LONP1: variants seen among roughly 807,000 people sequenced by gnomAD.
LONP1 encodes the protein lon protease homolog, mitochondrial.
Under a neutral mutation model 98.5 loss-of-function variants are expected in LONP1, and 31 were observed. That is an observed-to-expected ratio of 0.31 (90% CI 0.24 to 0.42). The LOEUF (loss-of-function observed/expected upper bound fraction) is 0.42, where lower values mean the gene tolerates loss of function less well. Among genes scored for constraint, LONP1 ranks in the 20% least tolerant of loss-of-function variants. LONP1 has a pLI of 1.00. For missense variants in LONP1, 1,336 were observed against 1,350.6 expected, an observed-to-expected ratio of 0.99 and a Z score of 0.17; for synonymous variants, 781 against 594.7, an observed-to-expected ratio of 1.31 and a Z score of -4.56.
In LONP1 at chr19:5,696,158, A is replaced by C. The variant is rs1483311244; in HGVS notation, c.1909T>G (p.Cys637Gly). The change falls in exon 13 of 18, where the codon TGC becomes GGC. Residue 637 changes from cysteine (C) to glycine (G), a missense_variant. Coordinates refer to ENST00000360614, the MANE Select transcript of LONP1 (RefSeq NM_004793.4). Reference protein sequence around the residue: ...PVDLSKVLFICTANVTDTIPE... With the variant: ...PVDLSKVLFIGTANVTDTIPE... ...ATGGTGTCCGTGACGTTGGCCGTGC[A>C]GATGAACAGCACCTGGGGGCGGCGG... 6 of 1,612,950 alleles carry C rather than the reference A, an allele frequency of 3.7e-6. No homozygotes were observed. Among genetic ancestry groups the C allele is most frequent in the Middle Eastern group, 1.6e-4 (1 of 6,062 alleles).
intron 17 of LONP1, among the ~76,000 whole-genome samples, chr19:5,692,729 G>T (rs897678245): frequency 4.6e-5 from 7 of 152,154 alleles, no homozygotes; most frequent in Non-Finnish European, 1.0e-4. Context: ...CTCCCAATTT[G>T]CCTCCACCAT....
chr19:5,707,565 G>A, intron 6 of LONP1, 132 bp downstream of exon 6: 1 of 913,138 alleles, frequency 1.1e-6, no homozygotes, highest in African/African-American at 1.7e-5. Context: ...TGTGGATGGT[G>A]CACGGTGGAG....
At position 5,705,977 on chromosome 19, in the gene LONP1, T is replaced by G; in HGVS notation, c.1162A>C (p.Lys388Gln). ...AGCAGGTACTTACGGTGGGTCTGCT[T>G]GATCTTCTCCTCCACCTGTGGGGTG... ...RLGREVEEKI[K>Q]QTHRKYLLQE... Residue 388 changes from lysine to glutamine, a missense_variant, in exon 8 of 18, where the codon AAG (lysine) becomes CAG (glutamine). Around this residue, in one of 5 missense-constraint regions of LONP1, gnomAD observed 219 missense variants for 241.0 expected, o/e 0.91. Coordinates refer to ENST00000360614, the MANE Select transcript of LONP1 (RefSeq NM_004793.4). 1 of 1,612,284 alleles carries G rather than the reference T, an allele frequency of 6.2e-7. No homozygotes were observed. Among genetic ancestry groups the G allele is most frequent in the Non-Finnish European group, 8.5e-7 (1 of 1,179,730 alleles).
chr19:5,709,684 C>T (rs535434357), intron 4 of LONP1, among the ~76,000 whole-genome samples: 4 of 151,662 alleles, frequency 2.6e-5, no homozygotes, highest in African/African-American at 2.4e-5. Flanking sequence ...CTAAGGCGGG[C>T]GGATCACGAG....
In LONP1 at chr19:5,696,279, G is replaced by T. The variant is rs573421014; in HGVS notation, c.1866C>A (p.His622Gln). The T allele has an allele frequency of 6.2e-7, 1 of 1,613,322 alleles. No individual in the cohort carries two copies. The highest frequency in any genetic ancestry group is 8.5e-7 in the Non-Finnish European group (1 of 1,179,904). Residue 622 changes from histidine (H) to glutamine (Q), a missense_variant, in exon 12 of 18, where the codon CAC becomes CAA. This residue lies in a region of LONP1 where 555 missense variants were observed against 542.6 expected (regional missense o/e 1.02). Coordinates refer to ENST00000360614, the MANE Select transcript of LONP1 (RefSeq NM_004793.4). ...ACAAGTCCACGGGCACGTCCAGGTA[G>T]TGGTCCAGGAAGTTGGCATTCTGCT... ...DPEQNANFLDHYLDVPVDLSK... is the reference protein window; with the variant it reads ...DPEQNANFLDQYLDVPVDLSK...
At chr19:5,715,654 AAAAAAAAAAAAAAAAAAAAAAAAAAG>A (rs2055306023) in intron 1 of LONP1, among the ~76,000 whole-genome samples, 1 of 108,554 alleles carries the variant, frequency 9.2e-6, no homozygotes, top group Non-Finnish European at 1.9e-5. Flanking sequence ...AAAAAAAAAA[AAAAAAAAAAAAAAAAAAAAAAAAAAG>A]AAAGTTTCAC....
At chr19:5,697,389 G>A (rs1431873812) in intron 10 of LONP1, among the ~76,000 whole-genome samples, 2 of 151,612 alleles carry the variant, frequency 1.3e-5, no homozygotes, top group African/African-American at 2.4e-5. Flanking sequence ...GCCACGTGAG[G>A]GTCTGAGAGA....
In LONP1 at chr19:5,719,921, G is replaced by A; in HGVS notation, c.212C>T (p.Ala71Val). The A allele has an allele frequency of 1.3e-6, 2 of 1,550,306 alleles. No homozygotes were observed. The highest frequency in any genetic ancestry group is 1.2e-5 in the South Asian group (1 of 84,592). The change falls in exon 1 of 18, where the codon GCG (alanine) becomes GTG (valine). Residue 71 changes from alanine to valine, a missense_variant. Ala to Val is a moderately conservative substitution (Grantham distance 64). This residue lies in a region of LONP1 where 457 missense variants were observed against 403.1 expected (regional missense o/e 1.13). Transcript: ENST00000360614. ...GAATGCGCCTCCGCCGCGGCTGCTC[G>A]CTTCCCAAAACCCCCGCCATTGGCC... ...IGGQWRGFWE[A>V]SSRGGGAFSG...
At chr19:5,716,300 A>ATATATATATATATATATATATATAT (rs1568329236) in intron 1 of LONP1, among the ~76,000 whole-genome samples, 3 of 118,652 alleles carry the variant, frequency 2.5e-5, no homozygotes, top group Non-Finnish European at 5.2e-5. Context: ...ATATATATAT[A>ATATATATATATATATATATATATAT]GTAATGGCCC....
intron 8 of LONP1, among the ~76,000 whole-genome samples, chr19:5,701,575 C>T (rs1359523540): frequency 2.0e-5 from 3 of 152,226 alleles, no homozygotes; most frequent in Admixed American, 6.5e-5. Context: ...GCGAGTGGTC[C>T]GCCGGCCTCG....
chr19:5,710,080 GAATT>G (rs2055213164), intron 4 of LONP1, among the ~76,000 whole-genome samples: 2 of 150,098 alleles, frequency 1.3e-5, no homozygotes, highest in South Asian at 4.3e-4. Flanking sequence ...GTGGCTGTCT[GAATT>G]TTTTTTTTTT....
chr19:5,711,067 G>C (rs2055229734), intron 4 of LONP1, among the ~76,000 whole-genome samples: 1 of 152,016 alleles, frequency 6.6e-6, no homozygotes, highest in Non-Finnish European at 1.5e-5. Context: ...GGGGTAGTGG[G>C]GCAGGATAGA....
chr19:5,701,502 C>T (rs1168658685), intron 8 of LONP1, among the ~76,000 whole-genome samples: 3 of 152,132 alleles, frequency 2.0e-5, no homozygotes, highest in Admixed American at 6.5e-5. Flanking sequence ...GACTGGTTTT[C>T]CTATTTTTTT....
intron 17 of LONP1, 111 bp downstream of exon 17, chr19:5,693,187 C>T: frequency 7.3e-7 from 1 of 1,368,888 alleles, no homozygotes; most frequent in Non-Finnish European, 9.9e-7. Flanking sequence ...CTTCCAAAGC[C>T]CAGGGCTTCC....
intron 10 of LONP1, among the ~76,000 whole-genome samples, 190 bp downstream of exon 10, chr19:5,698,837 T>C (rs2054990600): frequency 6.6e-6 from 1 of 152,228 alleles, no homozygotes; most frequent in African/African-American, 2.4e-5. Context: ...CCAGCGCTGT[T>C]TGAGCACCTG....
intron 8 of LONP1, among the ~76,000 whole-genome samples, chr19:5,701,251 C>G (rs1215495636): frequency 6.6e-6 from 1 of 152,214 alleles, no homozygotes; most frequent in Non-Finnish European, 1.5e-5. Context: ...CGAGACCATC[C>G]TGGCTAGCAC....
chr19:5,708,709 C>T lies in LONP1; in HGVS notation c.871-306G>A, dbSNP rs35335072. The T allele has an allele frequency of 0.23, 70,109 of 307,848 alleles. 9,279 individuals carry two copies. Among genetic ancestry groups the T allele is most frequent in the Non-Finnish European group, 0.27 (42,444 of 158,212 alleles). The allele number at this position is 307,848 out of a possible 1,614,324, so 19.1% of individuals were successfully genotyped here. On this transcript the variant is annotated intron_variant, in intron 4 of 17. Coordinates refer to ENST00000360614, the MANE Select transcript of LONP1 (RefSeq NM_004793.4). ...AAAAGAGACTGTGTTTTCTTTCCTC[C>T]ATTTTTTAAGAGACCAAGTCTTGGC...
In LONP1 at chr19:5,696,712, C is replaced by T. The variant is rs1568313414; in HGVS notation, c.1731G>A (p.Leu577=). The T allele has an allele frequency of 2.5e-6, 4 of 1,613,678 alleles. No individual in the cohort carries two copies. The highest frequency in any genetic ancestry group is 1.1e-5 in the South Asian group (1 of 91,088). ...GAMPGKIIQC[L]KKTKTENPLI... is the part of the protein sequence containing the mutation. Reference sequence around the variant, plus strand: ...GGGGGTTCTCCGTCTTGGTCTTCTTCAAACACTGGATGATCTTCCCGGGCA... The same window carrying T: ...GGGGGTTCTCCGTCTTGGTCTTCTTTAAACACTGGATGATCTTCCCGGGCA... The change falls in exon 11 of 18, where the codon TTG becomes TTA. Residue 577 remains leucine (L), a synonymous_variant. Transcript: ENST00000360614.
intron 7 of LONP1, 25 bp from the exon 8 acceptor site, chr19:5,706,017 G>A (rs574204375): frequency 1.3e-6 from 2 of 1,574,816 alleles, no homozygotes; most frequent in Admixed American, 1.7e-5. Context: ...GCTGCCATCA[G>A]GCCCTGGCTC....
Sources: gnomAD v4.1 joint callset for allele counts (sites outside exome capture counted in the v4.1 genomes callset) on GRCh38, gnomAD v4.1.1 for gene constraint, gnomAD v4.1.1 regional missense constraint, MANE v1.5 for transcripts, NCBI Gene and HGNC (gene_info 2026-07-23, HGNC 2026-07-21) for gene names.